DSCAM: variants seen among roughly 807,000 people sequenced by gnomAD.
The protein encoded by DSCAM is DS cell adhesion molecule, also known as cell adhesion molecule DSCAM.
Under a neutral mutation model 217.7 loss-of-function variants are expected in DSCAM, and 47 were observed. The observed-to-expected ratio is 0.22, with a 90% CI of 0.17 to 0.28. DSCAM has a LOEUF of 0.28. Ranked by LOEUF, DSCAM falls within the 10% of genes least tolerant of loss-of-function variation. The pLI, the probability that DSCAM is intolerant of heterozygous loss-of-function variation, is 1.00. For synonymous variants in DSCAM, 1,056 were observed against 1,015.3 expected, an observed-to-expected ratio of 1.04 and a Z score of -0.76; for missense variants, 2,080 against 2,618.3, an observed-to-expected ratio of 0.79 and a Z score of 4.49.
chr21:40,125,131 A>T (rs374851099), intron 19 of DSCAM, among the ~76,000 whole-genome samples: 1 of 152,178 alleles, frequency 6.6e-6, no homozygotes, highest in Non-Finnish European at 1.5e-5. Flanking sequence ...TTGTTGATGA[A>T]TAGGGATTAT....
chr21:40,052,755 T>C (rs2088953282), intron 29 of DSCAM, among the ~76,000 whole-genome samples: 1 of 152,198 alleles, frequency 6.6e-6, no homozygotes, highest in African/African-American at 2.4e-5. Context: ...TTCTCCTACA[T>C]GATTCACTTG....
At position 40,702,040 on chromosome 21, in the gene DSCAM, C is replaced by G. The variant is rs1050727621; in HGVS notation, c.361+6414G>C. Among the ~76,000 whole-genome samples the G allele has an allele frequency of 2.0e-5, 3 of 152,106 alleles. No individual in the cohort carries two copies. The East Asian group carries it at 5.8e-4, about 29-fold the overall frequency. On this transcript the variant is annotated intron_variant, in intron 2 of 32. Transcript: ENST00000400454. The stretch of plus-strand genomic sequence containing the variant: ...GAACTAGGAGTATTGAAATCTCCGG[C>G]TATAATTTTTGATATGTCTGATTCT...
At chr21:40,028,931 A>G (rs9975710) in intron 32 of DSCAM, among the ~76,000 whole-genome samples, 24,419 of 151,778 alleles carry the variant, frequency 0.16, 2,078 homozygotes, top group Middle Eastern at 0.22. Context: ...GAGGATAGCT[A>G]TCCACAAAGC....
intron 3 of DSCAM, among the ~76,000 whole-genome samples, chr21:40,405,473 G>T (rs1278177130): frequency 1.3e-5 from 2 of 152,086 alleles, no homozygotes; most frequent in Non-Finnish European, 2.9e-5. Flanking sequence ...GACCCGAAAA[G>T]CACAGGCAAT....
intron 3 of DSCAM, among the ~76,000 whole-genome samples, chr21:40,487,332 A>T (rs1238519704): frequency 1.1e-3 from 134 of 126,880 alleles, no homozygotes; most frequent in African/African-American, 4.1e-3. Context: ...TGTGTGAGAG[A>T]GAGAGAGAGA....
rs567716516 is a variant in DSCAM at position 40,291,873 on chromosome 21, C to T, written c.2182+4182G>A. On this transcript the variant is annotated intron_variant, in intron 10 of 32. Coordinates refer to ENST00000400454, the MANE Select transcript of DSCAM (RefSeq NM_001389.5). ...CCAGAGAGAGCAAAGGAGGCCCAGG[C>T]CAGGCCCCAGGCTGATGCATCATCT... Among the ~76,000 whole-genome samples, 88 of 152,336 alleles carry T rather than the reference C, an allele frequency of 5.8e-4. No homozygotes were observed. In the South Asian group the frequency reaches 8.7e-3, roughly 15 times the overall value.
chr21:40,465,359 G>A (rs990194358), intron 3 of DSCAM, among the ~76,000 whole-genome samples: 3 of 152,088 alleles, frequency 2.0e-5, no homozygotes, highest in African/African-American at 7.2e-5. Flanking sequence ...TCAGGTCTGA[G>A]CTTAAACGTC....
At chr21:40,602,421 G>A (rs750018368) in intron 3 of DSCAM, among the ~76,000 whole-genome samples, 13 of 152,070 alleles carry the variant, frequency 8.5e-5, no homozygotes, top group Non-Finnish European at 1.2e-4. Flanking sequence ...TTTAAGAGTT[G>A]GTAGATTTCA....
At chr21:40,196,282 C>G (rs2091007527) in intron 11 of DSCAM, among the ~76,000 whole-genome samples, 1 of 152,154 alleles carries the variant, frequency 6.6e-6, no homozygotes, top group Admixed American at 6.5e-5. Flanking sequence ...GCCGCTGGGA[C>G]TGGGCAGGAC....
intron 3 of DSCAM, among the ~76,000 whole-genome samples, chr21:40,497,559 G>A (rs895916370): frequency 7.9e-5 from 12 of 152,074 alleles, no homozygotes; most frequent in African/African-American, 2.4e-4. Context: ...CCTACAACAC[G>A]GTGACTGCAA....
At position 40,296,121 on chromosome 21, in the gene DSCAM, C is replaced by T. The variant is rs1424558553; in HGVS notation, c.2116G>A (p.Ala706Thr). The T allele has an allele frequency of 7.4e-6, 12 of 1,614,004 alleles. No homozygotes were observed. Among genetic ancestry groups the T allele is most frequent in the African/African-American group, 1.3e-5 (1 of 74,932 alleles). The change falls in exon 10 of 33, where the codon GCA becomes ACA. Residue 706 changes from alanine to threonine, a missense_variant. Transcript: ENST00000400454. ...TCAGCAGAACAATTGAGGATGACTG[C>T]TTTGCCATAAATCCCGTCCTGGTCC... ...PRDQDGIYGK[A>T]VILNCSAEGY...
At chr21:40,223,887 G>A (rs553747302) in intron 11 of DSCAM, among the ~76,000 whole-genome samples, 70 of 152,290 alleles carry the variant, frequency 4.6e-4, no homozygotes, top group African/African-American at 1.7e-3. Context: ...AGGCCCATGT[G>A]ATGGTTGCCT....
intron 30 of DSCAM, among the ~76,000 whole-genome samples, chr21:40,046,841 A>G (rs1006609438): frequency 6.6e-6 from 1 of 151,680 alleles, no homozygotes; most frequent in Non-Finnish European, 1.5e-5. Flanking sequence ...AATCCCCCAA[A>G]CCTTGACCCT....
intron 1 of DSCAM, among the ~76,000 whole-genome samples, chr21:40,770,063 A>AT (rs911923952): frequency 1.2e-4 from 18 of 151,304 alleles, no homozygotes; most frequent in Middle Eastern, 6.8e-3. Flanking sequence ...ATCAAAGGTC[A>AT]TTTTTTTTTC....
At chr21:40,415,791 C>T (rs1465255587) in intron 3 of DSCAM, among the ~76,000 whole-genome samples, 1 of 152,242 alleles carries the variant, frequency 6.6e-6, no homozygotes, top group East Asian at 1.9e-4. Flanking sequence ...TACACTGCTT[C>T]CCCTCTCTAA....
intron 1 of DSCAM, among the ~76,000 whole-genome samples, chr21:40,738,317 A>G (rs2091085434): frequency 6.6e-6 from 1 of 152,250 alleles, no homozygotes; most frequent in Non-Finnish European, 1.5e-5. Context: ...TTCCTAAAGC[A>G]AACAGTGGGA....
At chr21:40,253,168 A>G (rs1446056252) in intron 11 of DSCAM, among the ~76,000 whole-genome samples, 2 of 152,104 alleles carry the variant, frequency 1.3e-5, no homozygotes, top group African/African-American at 4.8e-5. Flanking sequence ...TGGGCTTAGG[A>G]TGGTTGGTCC....
intron 1 of DSCAM, among the ~76,000 whole-genome samples, chr21:40,774,173 C>T (rs1157353518): frequency 1.3e-5 from 2 of 152,138 alleles, no homozygotes; most frequent in Non-Finnish European, 2.9e-5. Context: ...GAGAGTTCTG[C>T]CCTAAGACCA....
chr21:40,451,689 T>G (rs893311465), intron 3 of DSCAM, among the ~76,000 whole-genome samples: 12 of 152,288 alleles, frequency 7.9e-5, no homozygotes, highest in African/African-American at 2.9e-4. Context: ...CCTAGAAGTG[T>G]ACAAATAAAT....
Sources: gnomAD v4.1 joint callset for allele counts (sites outside exome capture counted in the v4.1 genomes callset) on GRCh38, gnomAD v4.1.1 for gene constraint, MANE v1.5 for transcripts, NCBI Gene and HGNC (gene_info 2026-07-23, HGNC 2026-07-21) for gene names.